Variants in SAMD4A observed in about 807,000 individuals in gnomAD.
SAMD4A encodes the protein protein Smaug homolog 1.
Under a neutral mutation model 81.3 loss-of-function variants are expected in SAMD4A, and 33 were observed. The ratio of observed to expected loss-of-function variants is 0.41; its 90% CI spans 0.31 to 0.54. The LOEUF is 0.54. Among genes scored for constraint, SAMD4A ranks in the 20% least tolerant of loss-of-function variants. SAMD4A has a pLI of 0.37. For missense variants in SAMD4A, 854 were observed against 951.1 expected (o/e 0.90, Z 1.34); for synonymous variants, 389 against 382.1 (o/e 1.02, Z -0.21).
intron 3 of SAMD4A, among the ~76,000 whole-genome samples, chr14:54,723,881 T>C (rs2037326701): frequency 6.6e-6 from 1 of 152,150 alleles, no homozygotes; most frequent in Admixed American, 6.5e-5. Context: ...ACAATTAGCA[T>C]TTTTTCATTT....
intron 6 of SAMD4A, among the ~76,000 whole-genome samples, chr14:54,757,360 C>T (rs1380768863): frequency 7.2e-6 from 1 of 138,140 alleles, no homozygotes; most frequent in Non-Finnish European, 1.5e-5. Context: ...CAACATTATT[C>T]GTTATGTATT....
intron 2 of SAMD4A, among the ~76,000 whole-genome samples, chr14:54,630,766 TAGTC>T (rs960443630): frequency 3.9e-5 from 6 of 152,256 alleles, no homozygotes; most frequent in East Asian, 1.9e-4. Flanking sequence ...CAACATGTAT[TAGTC>T]AGGGTTCTCC....
chr14:54,703,939 C>G (rs1462175282), intron 3 of SAMD4A: 1 of 152,096 alleles, frequency 6.6e-6, no homozygotes, highest in African/African-American at 2.4e-5. Flanking sequence ...CTTTGGTTAC[C>G]AGGACTCTTT....
intron 3 of SAMD4A, among the ~76,000 whole-genome samples, chr14:54,720,704 AAACCTATTTTTTTTTCTGCACG>A (rs1027502504): frequency 4.6e-5 from 7 of 152,110 alleles, no homozygotes; most frequent in Non-Finnish European, 8.8e-5. Context: ...AAATTCTAAC[AAACCTATTTTTTTTTCTGCACG>A]TGAAACCCAA....
chr14:54,786,210 CATT>C (rs1279820437), intron 12 of SAMD4A, among the ~76,000 whole-genome samples: 2 of 152,212 alleles, frequency 1.3e-5, no homozygotes, highest in Non-Finnish European at 2.9e-5. Context: ...TGAATCTTAA[CATT>C]ATGCTGAGTG....
At chr14:54,673,523 T>C (rs1033052897) in intron 2 of SAMD4A, among the ~76,000 whole-genome samples, 12 of 152,244 alleles carry the variant, frequency 7.9e-5, no homozygotes, top group Admixed American at 7.2e-4. Flanking sequence ...CTTTTAGCAC[T>C]GGAAATTTGG....
intron 3 of SAMD4A, among the ~76,000 whole-genome samples, chr14:54,712,223 T>C (rs1023579923): frequency 6.6e-6 from 1 of 152,014 alleles, no homozygotes. Context: ...TGGAGTTCCT[T>C]TGAAATCTTT....
At chr14:54,588,967 G>A (rs1273874000) in intron 2 of SAMD4A, among the ~76,000 whole-genome samples, 1 of 152,122 alleles carries the variant, frequency 6.6e-6, no homozygotes, top group Non-Finnish European at 1.5e-5. Flanking sequence ...AAGAGGAACT[G>A]CTCAATTTTA....
chr14:54,788,363 C>T (rs1049345970), intron 12 of SAMD4A, among the ~76,000 whole-genome samples: 4 of 152,118 alleles, frequency 2.6e-5, no homozygotes, highest in Non-Finnish European at 4.4e-5. Flanking sequence ...GCTCTTCCAC[C>T]CCATCTCCTC....
intron 2 of SAMD4A, among the ~76,000 whole-genome samples, chr14:54,602,394 A>T (rs2034079765): frequency 6.6e-6 from 1 of 151,774 alleles, no homozygotes; most frequent in African/African-American, 2.4e-5. Flanking sequence ...AGGATAGCAC[A>T]GACAGTGGCT....
intron 2 of SAMD4A, among the ~76,000 whole-genome samples, chr14:54,601,505 G>A (rs2034051305): frequency 6.6e-6 from 1 of 152,122 alleles, no homozygotes; most frequent in African/African-American, 2.4e-5. Flanking sequence ...CATATTGGGT[G>A]GGGATGAAAA....
In SAMD4A at chr14:54,635,482, G is replaced by A. The variant is rs544837809; in HGVS notation, c.197-66580G>A. Among the ~76,000 whole-genome samples the A allele has an allele frequency of 5.2e-4, 79 of 151,752 alleles. 2 individuals carry two copies. In the South Asian group the frequency reaches 0.012, roughly 22 times the overall value. ...ATTATCCAACAGGCCAGGTGCAATC[G>A]CTCACGTCCGTAATCCCAACACTTT... On this transcript the variant is annotated intron_variant, in intron 2 of 12. Transcript: ENST00000554335.
At chr14:54,707,486 A>G (rs988570513) in intron 3 of SAMD4A, among the ~76,000 whole-genome samples, 11 of 152,150 alleles carry the variant, frequency 7.2e-5, no homozygotes, top group East Asian at 1.9e-4. Context: ...TTCCCTGCTC[A>G]AGGCACTTGA....
In SAMD4A at chr14:54,760,307, G is replaced by A; in HGVS notation, c.1323G>A (p.Met441Ile). ...EPQAPRQPSLMGPESQSPDCK... is the reference protein window; with the variant it reads ...EPQAPRQPSLIGPESQSPDCK... ...AGGCCCCGCGTCAGCCCTCACTGAT[G>A]GGCCCCGAGAGCCAGAGCCCCGACT... The change falls in exon 7 of 13, where the codon ATG (methionine) becomes ATA (isoleucine). Residue 441 changes from methionine (M) to isoleucine (I), a missense_variant. By Grantham distance (10) the Met-to-Ile change is conservative (BLOSUM62 1). Coordinates refer to ENST00000554335, the MANE Select transcript of SAMD4A (RefSeq NM_015589.6). 6.2e-7 allele frequency: 1 copy of A among 1,609,452 alleles called. No homozygotes were observed. The highest frequency in any genetic ancestry group is 8.5e-7 in the Non-Finnish European group (1 of 1,179,110).
At chr14:54,769,918 T>C (rs1378748949) in intron 8 of SAMD4A, among the ~76,000 whole-genome samples, 186 bp from the exon 9 acceptor site, 1 of 152,178 alleles carries the variant, frequency 6.6e-6, no homozygotes, top group Admixed American at 6.5e-5. Context: ...ACCTCCAATG[T>C]CAGATAACTT....
intron 3 of SAMD4A, among the ~76,000 whole-genome samples, chr14:54,717,211 G>T (rs531513316): frequency 1.3e-5 from 2 of 151,988 alleles, no homozygotes; most frequent in Non-Finnish European, 2.9e-5. Flanking sequence ...GAGGCCGAGC[G>T]GGGAGGATTG....
At chr14:54,773,959 G>A (rs964850517) in intron 9 of SAMD4A, among the ~76,000 whole-genome samples, 2 of 152,256 alleles carry the variant, frequency 1.3e-5, no homozygotes, top group African/African-American at 4.8e-5. Context: ...CACACAGACA[G>A]GCTGAGCAGA....
chr14:54,792,986 G>A lies in SAMD4A; in HGVS notation c.*4042G>A, dbSNP rs1238492986. The A allele has an allele frequency of 4.6e-5, 7 of 152,192 alleles. No individual in the cohort carries two copies. Among genetic ancestry groups the A allele is most frequent in the Admixed American group, 4.6e-4 (7 of 15,280 alleles). The allele number at this position is 152,192 out of a possible 1,614,324, so 9.4% of individuals were successfully genotyped here. A position where few individuals can be genotyped will look rare whatever the true frequency, so the allele number is the denominator to read the frequency against. On this transcript the variant is annotated 3_prime_UTR_variant, in exon 13 of 13. Transcript: ENST00000554335. ...TGCATGCCTTTCGTCCTGTTTTCCTGTATAAAGTTAGTGAACAAAGAAATA... is the reference window on the plus strand; with the variant it reads ...TGCATGCCTTTCGTCCTGTTTTCCTATATAAAGTTAGTGAACAAAGAAATA...
Position 54,727,851 on chromosome 14 carries a change from A to G in SAMD4A, c.716-9173A>G, listed in dbSNP as rs573564948. Among the ~76,000 whole-genome samples the G allele has an allele frequency of 2.6e-5, 4 of 152,278 alleles. No homozygotes were observed. In the South Asian group the frequency reaches 8.3e-4, roughly 32 times the overall value. The stretch of plus-strand genomic sequence containing the variant: ...ACACACAGACACACACGCACTACCT[A>G]GTTTGTATAACAGGTGAGGGGGAAC... On this transcript the variant is annotated intron_variant, in intron 3 of 12. Coordinates refer to ENST00000554335, the MANE Select transcript of SAMD4A (RefSeq NM_015589.6).
Sources: gnomAD v4.1 joint callset for allele counts (sites outside exome capture counted in the v4.1 genomes callset) on GRCh38, gnomAD v4.1.1 for gene constraint, MANE v1.5 for transcripts, NCBI Gene and HGNC (gene_info 2026-07-23, HGNC 2026-07-21) for gene names.